The following CDH13 variants were observed in gnomAD, a reference collection of about 807,000 sequenced individuals.
CDH13 encodes the protein cadherin 13, also known as cadherin-13.
In CDH13, 24 loss-of-function variants were observed where a neutral mutation model predicts 63.8. The ratio of observed to expected loss-of-function variants is 0.38; its 90% confidence interval spans 0.27 to 0.53. The LOEUF (loss-of-function observed/expected upper bound fraction) is 0.53, where lower values mean the gene tolerates loss of function less well. Among genes scored for constraint, CDH13 ranks in the 20% least tolerant of loss-of-function variants. CDH13 has a pLI of 0.85. For missense variants in CDH13, 1,049 were observed against 903.1 expected (o/e 1.16, Z -2.07); for synonymous variants, 503 against 355.3 (o/e 1.42, Z -4.67).
At chr16:83,781,498 T>A (rs562504325) in intron 12 of CDH13, among the ~76,000 whole-genome samples, 23 of 152,372 alleles carry the variant, frequency 1.5e-4, no homozygotes, top group East Asian at 5.8e-4. Context: ...TAACATTTTC[T>A]ATTTAAAAAT....
At chr16:83,166,077 C>T (rs1026343520) in intron 4 of CDH13, among the ~76,000 whole-genome samples, 6 of 152,090 alleles carry the variant, frequency 3.9e-5, no homozygotes, top group African/African-American at 1.4e-4. Flanking sequence ...AGCATTTTGC[C>T]ATTAGCAGCA....
At chr16:83,314,009 C>G (rs188559470) in intron 5 of CDH13, among the ~76,000 whole-genome samples, 2 of 152,270 alleles carry the variant, frequency 1.3e-5, no homozygotes, top group African/African-American at 4.8e-5. Context: ...TATTTATGAT[C>G]AAGACATTGT....
intron 10 of CDH13, among the ~76,000 whole-genome samples, chr16:83,707,564 T>C (rs1301847338): frequency 6.6e-6 from 1 of 152,136 alleles, no homozygotes; most frequent in Non-Finnish European, 1.5e-5. Context: ...AAAACAAATA[T>C]TATTGAAATG....
At chr16:83,478,154 C>T (rs1436155250) in intron 6 of CDH13, among the ~76,000 whole-genome samples, 11 of 146,990 alleles carry the variant, frequency 7.5e-5, no homozygotes, top group Admixed American at 4.1e-4. Context: ...AGCAAGACTC[C>T]GTCTCAAAAA....
rs553665110 is a variant in CDH13 at position 83,023,661 on chromosome 16, A to G, written c.158-8349A>G. On this transcript the variant is annotated intron_variant, in intron 2 of 13. Coordinates refer to ENST00000567109, the MANE Select transcript of CDH13 (RefSeq NM_001257.5). ...AAACTGTTCAGTTTTGTCCTTAAAT[A>G]TGTCTTTGAACTCTGTGCTCAATTC... Among the ~76,000 whole-genome samples, 61 of 152,336 alleles carry G rather than the reference A, an allele frequency of 4.0e-4. 1 individual carries two copies. The South Asian group carries it at 1.0e-2, about 25-fold the overall frequency.
At chr16:83,465,238 C>A (rs979967794) in intron 6 of CDH13, among the ~76,000 whole-genome samples, 1 of 152,096 alleles carries the variant, frequency 6.6e-6, no homozygotes, top group Non-Finnish European at 1.5e-5. Flanking sequence ...TTAGAGAAAG[C>A]CAGAAGTGTT....
intron 2 of CDH13, among the ~76,000 whole-genome samples, chr16:82,969,713 T>C (rs575301273): frequency 6.6e-6 from 1 of 152,202 alleles, no homozygotes; most frequent in East Asian, 1.9e-4. Flanking sequence ...CATCGTAAAA[T>C]TACCCCTGGT....
At chr16:83,782,612 T>G (rs761401677) in intron 12 of CDH13, among the ~76,000 whole-genome samples, 2 of 151,950 alleles carry the variant, frequency 1.3e-5, no homozygotes, top group Admixed American at 6.6e-5. Flanking sequence ...AGTGTGTGCC[T>G]GTAATCCCAG....
chr16:83,045,915 C>G (rs1917739324), intron 3 of CDH13, among the ~76,000 whole-genome samples: 1 of 152,180 alleles, frequency 6.6e-6, no homozygotes, highest in South Asian at 2.1e-4. Flanking sequence ...CCTATTTGGC[C>G]CTAGCCAAAT....
At chr16:83,692,937 G>A (rs1466107947) in intron 10 of CDH13, among the ~76,000 whole-genome samples, 1 of 152,162 alleles carries the variant, frequency 6.6e-6, no homozygotes, top group Admixed American at 6.5e-5. Flanking sequence ...ACAAAAATTA[G>A]CCAGGCATGG....
At chr16:83,422,697 C>T (rs1392366885) in intron 6 of CDH13, among the ~76,000 whole-genome samples, 2 of 152,182 alleles carry the variant, frequency 1.3e-5, no homozygotes, top group Admixed American at 1.3e-4. Context: ...TCTCCTCTGA[C>T]CTCTAAGCTC....
Position 83,351,161 on chromosome 16 carries a change from C to A in CDH13, c.781+6155C>A, listed in dbSNP as rs552932811. On this transcript the variant is annotated intron_variant, in intron 6 of 13. Transcript: ENST00000567109. Reference sequence around the variant, plus strand: ...AGTAACTGTGATGTGGCTTTTCAACCCATTGACTGTTAATTTTTTTTTGCT... The same window carrying A: ...AGTAACTGTGATGTGGCTTTTCAACACATTGACTGTTAATTTTTTTTTGCT... Among the ~76,000 whole-genome samples, 4 of 152,176 alleles carry A rather than the reference C, an allele frequency of 2.6e-5. No homozygotes were observed. The East Asian group carries it at 7.7e-4, about 29-fold the overall frequency.
chr16:82,643,866 G>A (rs1909732992), intron 1 of CDH13, among the ~76,000 whole-genome samples: 2 of 151,864 alleles, frequency 1.3e-5, no homozygotes, highest in African/African-American at 4.8e-5. Flanking sequence ...CCTCAGTTCT[G>A]GAAATAGCTA....
chr16:83,359,187 T>C (rs910241145), intron 6 of CDH13, among the ~76,000 whole-genome samples: 4 of 152,204 alleles, frequency 2.6e-5, no homozygotes, highest in African/African-American at 9.6e-5. Context: ...AGGGTTGAGA[T>C]GGCTGATTCC....
In CDH13 at chr16:83,293,350, T is replaced by G. The variant is rs557725943; in HGVS notation, c.637-51512T>G. 7.5e-4 allele frequency among the ~76,000 whole-genome samples: 114 copies of G among 152,260 alleles called. 1 individual carries two copies. Among genetic ancestry groups the G allele is most frequent in the African/African-American group, 2.6e-3 (109 of 41,552 alleles). ...CCTTCCCCATGCCTTCTGGGGTCCT[T>G]GCTCTAATTTGGGAGATACAACACA... On this transcript the variant is annotated intron_variant, in intron 5 of 13. Transcript: ENST00000567109.
chr16:82,945,244 G>C (rs575649709), intron 2 of CDH13, among the ~76,000 whole-genome samples: 1 of 152,272 alleles, frequency 6.6e-6, no homozygotes, highest in African/African-American at 2.4e-5. Context: ...CTGTGCCCGT[G>C]TAGTCCCCAA....
At chr16:83,109,679 G>C (rs556735621) in intron 3 of CDH13, among the ~76,000 whole-genome samples, 3 of 152,180 alleles carry the variant, frequency 2.0e-5, no homozygotes, top group Non-Finnish European at 4.4e-5. Context: ...GGAGGCAGGA[G>C]TACATATGTG....
intron 2 of CDH13, among the ~76,000 whole-genome samples, chr16:82,995,492 G>A (rs931391122): frequency 6.6e-6 from 1 of 152,148 alleles, no homozygotes; most frequent in East Asian, 1.9e-4. Flanking sequence ...AAGCTGAAAA[G>A]GGTAACATGG....
intron 2 of CDH13, among the ~76,000 whole-genome samples, chr16:82,976,448 T>G (rs960963205): frequency 6.6e-6 from 1 of 152,228 alleles, no homozygotes; most frequent in African/African-American, 2.4e-5. Flanking sequence ...TTTCCAGTTA[T>G]CCTCATGCTT....
Sources: allele counts gnomAD v4.1 joint callset (sites outside exome capture counted in the v4.1 genomes callset), GRCh38; gene constraint gnomAD v4.1.1; transcripts MANE v1.5; gene names NCBI Gene and HGNC (gene_info 2026-07-23, HGNC 2026-07-21).